ZNF618: variants seen among roughly 807,000 people sequenced by gnomAD.
The protein encoded by ZNF618 is zinc finger protein 618.
In ZNF618, 34 loss-of-function variants were observed where a neutral mutation model predicts 103.0. That is an observed-to-expected ratio of 0.33 (90% CI 0.25 to 0.44). The LOEUF (loss-of-function observed/expected upper bound fraction) is 0.44, where lower values mean the gene tolerates loss of function less well. Among genes scored for constraint, ZNF618 ranks in the 20% least tolerant of loss-of-function variants. The pLI, the probability that ZNF618 is intolerant of heterozygous loss-of-function variation, is 1.00. For missense variants in ZNF618, 1,059 were observed against 1,295.4 expected (o/e 0.82, Z 2.80); for synonymous variants, 551 against 542.2 (o/e 1.02, Z -0.23).
intron 1 of ZNF618, among the ~76,000 whole-genome samples, chr9:113,926,320 T>G (rs1281684169): frequency 1.3e-5 from 2 of 152,044 alleles, no homozygotes; most frequent in African/African-American, 4.8e-5. Context: ...TCTTTTATTT[T>G]CTGCAATTTG....
chr9:113,949,846 C>G (rs114987245), intron 1 of ZNF618, among the ~76,000 whole-genome samples: 1 of 152,238 alleles, frequency 6.6e-6, no homozygotes, highest in Non-Finnish European at 1.5e-5. Context: ...CAATTTCCAG[C>G]GAAGTCGCGC....
chr9:114,034,639 G>A (rs980035999), intron 12 of ZNF618, among the ~76,000 whole-genome samples: 1 of 152,206 alleles, frequency 6.6e-6, no homozygotes, highest in African/African-American at 2.4e-5. Flanking sequence ...CAGATTATAA[G>A]TGGTGGAGCC....
At chr9:113,951,587 G>GTATA (rs1835777000) in intron 1 of ZNF618, among the ~76,000 whole-genome samples, 2 of 68,532 alleles carry the variant, frequency 2.9e-5, no homozygotes, top group Non-Finnish European at 6.2e-5. Context: ...ATGTGTGTGT[G>GTATA]TGTGTGTGTG....
At chr9:114,030,382 G>C (rs1229664976) in intron 11 of ZNF618, among the ~76,000 whole-genome samples, 1 of 152,196 alleles carries the variant, frequency 6.6e-6, no homozygotes, top group East Asian at 1.9e-4. Flanking sequence ...ATTGGTGATA[G>C]ATATCGGCTC....
intron 11 of ZNF618, among the ~76,000 whole-genome samples, chr9:114,029,229 G>A (rs1479762253): frequency 1.3e-5 from 2 of 152,010 alleles, no homozygotes; most frequent in African/African-American, 4.8e-5. Flanking sequence ...TTTTTTTTAA[G>A]TAGTAGAATA....
intron 1 of ZNF618, among the ~76,000 whole-genome samples, chr9:113,968,329 C>T (rs566590935): frequency 2.0e-5 from 3 of 152,334 alleles, no homozygotes; most frequent in Non-Finnish European, 2.9e-5. Context: ...TTTGGAAACA[C>T]ATATGCACCT....
At chr9:113,913,920 G>C (rs1443250841) in intron 1 of ZNF618, among the ~76,000 whole-genome samples, 2 of 152,122 alleles carry the variant, frequency 1.3e-5, no homozygotes, top group African/African-American at 4.8e-5. Context: ...GAGGTGAATT[G>C]AGGGCTAGAT....
intron 9 of ZNF618, among the ~76,000 whole-genome samples, chr9:114,008,824 C>T (rs963172132): frequency 4.6e-5 from 7 of 152,224 alleles, no homozygotes; most frequent in African/African-American, 7.2e-5. Flanking sequence ...TCCTCATGGT[C>T]TGTTAGCCAT....
At chr9:113,980,274 G>A (rs1351460462) in intron 2 of ZNF618, among the ~76,000 whole-genome samples, 2 of 152,120 alleles carry the variant, frequency 1.3e-5, no homozygotes, top group Non-Finnish European at 2.9e-5. Context: ...TCTCTTGGGA[G>A]AAGAGATGTA....
intron 1 of ZNF618, among the ~76,000 whole-genome samples, chr9:113,888,457 CAGA>C (rs1829283923): frequency 6.6e-6 from 1 of 152,242 alleles, no homozygotes; most frequent in Admixed American, 6.5e-5. Flanking sequence ...AAAACAGTTG[CAGA>C]AGGTTTGCTG....
At chr9:113,936,102 G>A (rs112036722) in intron 1 of ZNF618, among the ~76,000 whole-genome samples, 2 of 151,966 alleles carry the variant, frequency 1.3e-5, no homozygotes, top group East Asian at 3.9e-4. Context: ...TTATAGGCTC[G>A]AGCCTCCATG....
chr9:113,999,990 T>C (rs1841018096), intron 4 of ZNF618, among the ~76,000 whole-genome samples: 1 of 152,236 alleles, frequency 6.6e-6, no homozygotes, highest in African/African-American at 2.4e-5. Flanking sequence ...CATGGATTTA[T>C]GGAGCCCTCG....
Position 114,053,594 on chromosome 9 carries a change from C to T in ZNF618, c.*3427C>T, listed in dbSNP as rs1047992653. ...CCTCATCTGAGGTCAGTTGCTTCACCAACAAAGCCCAAGCCAAGAACTGCA... is the reference window on the plus strand; with the variant it reads ...CCTCATCTGAGGTCAGTTGCTTCACTAACAAAGCCCAAGCCAAGAACTGCA... On this transcript the variant is annotated 3_prime_UTR_variant, in exon 15 of 15. Transcript: ENST00000374126. 3 of 152,178 alleles carry T rather than the reference C, an allele frequency of 2.0e-5. No individual in the cohort carries two copies. The highest frequency in any genetic ancestry group is 7.2e-5 in the African/African-American group (3 of 41,436). 9.4% of individuals were successfully genotyped at this position (152,178 alleles called of 1,614,324 possible). A position where few individuals can be genotyped will look rare whatever the true frequency, so the allele number is the denominator to read the frequency against.
At chr9:113,985,528 G>C (rs980698913) in intron 2 of ZNF618, among the ~76,000 whole-genome samples, 15 of 152,242 alleles carry the variant, frequency 9.9e-5, no homozygotes, top group Admixed American at 8.5e-4. Context: ...CCTCTGGGGG[G>C]CCAGGGGGAC....
At position 113,884,768 on chromosome 9, in the gene ZNF618, A is replaced by C. The variant is rs2418257; in HGVS notation, c.33+8355A>C. On this transcript the variant is annotated intron_variant, in intron 1 of 14. Coordinates refer to ENST00000374126, the MANE Select transcript of ZNF618 (RefSeq NM_001318042.2). ...GTTTTTCCTTCCTTATCGAGACACA[A>C]ACACACAGAGAGAGAGAGAGAGAGA... Among the ~76,000 whole-genome samples, 102 of 119,926 alleles carry C rather than the reference A, an allele frequency of 8.5e-4. 2 individuals carry two copies. Among genetic ancestry groups the C allele is most frequent in the African/African-American group, 3.9e-3 (100 of 25,798 alleles). 78.7% of individuals were successfully genotyped at this position (119,926 alleles called of 152,430 possible). A position where few individuals can be genotyped will look rare whatever the true frequency, so the allele number is the denominator to read the frequency against.
chr9:113,882,228 AGCTGG>A (rs1170418422), intron 1 of ZNF618, among the ~76,000 whole-genome samples: 1 of 152,246 alleles, frequency 6.6e-6, no homozygotes, highest in Non-Finnish European at 1.5e-5. Context: ...GAAAATGGAA[AGCTGG>A]GTTTGAGGTC....
Position 113,876,392 on chromosome 9 carries a change from G to T in ZNF618, c.12G>T (p.Pro4=), listed in dbSNP as rs1275703053. 1.3e-5 allele frequency: 15 copies of T among 1,198,186 alleles called. No homozygotes were observed. Among genetic ancestry groups the T allele is most frequent in the Non-Finnish European group, 1.6e-5 (15 of 966,706 alleles). The allele number at this position is 1,198,186 out of a possible 1,614,324, so 74.2% of individuals were successfully genotyped here. Residue 4 remains proline (P), a synonymous_variant, in exon 1 of 15, where the codon CCG becomes CCT. Coordinates refer to ENST00000374126, the MANE Select transcript of ZNF618 (RefSeq NM_001318042.2). MNQ[P]GGAAAPQADG... is the part of the protein sequence containing the mutation. ...TCCCGCACGGACCCATGAACCAGCC[G>T]GGCGGCGCGGCGGCTCCGCAGGTAC...
chr9:114,000,555 G>C (rs141738263), intron 4 of ZNF618, among the ~76,000 whole-genome samples: 5 of 149,088 alleles, frequency 3.4e-5, no homozygotes, highest in East Asian at 2.1e-4. Context: ...TCTTCTTCCA[G>C]TGTGACCCAG....
chr9:114,025,933 C>A (rs1004556018), intron 10 of ZNF618, among the ~76,000 whole-genome samples: 2 of 152,294 alleles, frequency 1.3e-5, no homozygotes, highest in South Asian at 4.1e-4. Flanking sequence ...CTGTGCATGG[C>A]GGGCAAGGCT....
Sources: allele counts gnomAD v4.1 joint callset (sites outside exome capture counted in the v4.1 genomes callset), GRCh38; gene constraint gnomAD v4.1.1; transcripts MANE v1.5; gene names NCBI Gene and HGNC (gene_info 2026-07-23, HGNC 2026-07-21).